RAB3C: variants seen among roughly 807,000 people sequenced by gnomAD.
RAB3C encodes the protein RAB3C, member RAS oncogene family, also known as ras-related protein Rab-3C.
A neutral mutation model predicts 26.4 loss-of-function variants in RAB3C; 17 were observed. That is an observed-to-expected ratio of 0.64 (90% CI 0.44 to 0.97). The LOEUF is 0.97. RAB3C is among the 50% of genes least tolerant of loss of function. The probability of loss-of-function intolerance (pLI) is 0.00; values close to 1 mark genes in which losing one functional copy is unlikely to be tolerated. For synonymous variants in RAB3C, 91 were observed against 95.9 expected, an observed-to-expected ratio of 0.95 and a Z score of 0.30; for missense variants, 242 against 281.9, an observed-to-expected ratio of 0.86 and a Z score of 1.01.
chr5:58,669,808 C>A (rs1233559218), intron 2 of RAB3C, among the ~76,000 whole-genome samples: 1 of 152,126 alleles, frequency 6.6e-6, no homozygotes, highest in African/African-American at 2.4e-5. Context: ...TAAATGCAGG[C>A]AAGACCAAGG....
intron 2 of RAB3C, among the ~76,000 whole-genome samples, chr5:58,676,687 T>C (rs534974227): frequency 6.6e-6 from 1 of 152,202 alleles, no homozygotes; most frequent in East Asian, 1.9e-4. Flanking sequence ...GGCAGCTTCA[T>C]TAGCATGTGA....
intron 3 of RAB3C, among the ~76,000 whole-genome samples, chr5:58,759,782 C>A (rs1741753174): frequency 6.6e-6 from 1 of 152,210 alleles, no homozygotes; most frequent in African/African-American, 2.4e-5. Context: ...AACTGAAAGC[C>A]AGGTTGACTT....
Position 58,679,261 on chromosome 5 carries a change from A to AT in RAB3C, c.253-46732dup, listed in dbSNP as rs200629057. ...TGGTCCAGGACTTGGGACTTGGCTC[A>AT]TTTTTTTTTGGTAGTTCTCAGTAGA... On this transcript the variant is annotated intron_variant, in intron 2 of 4. Transcript: ENST00000282878. 1.4e-3 allele frequency among the ~76,000 whole-genome samples: 206 copies of AT among 151,186 alleles called. 1 individual carries two copies. The highest frequency in any genetic ancestry group is 6.9e-3 in the Middle Eastern group (2 of 288).
intron 2 of RAB3C, among the ~76,000 whole-genome samples, chr5:58,687,313 G>A (rs1321819655): frequency 1.3e-5 from 2 of 152,122 alleles, no homozygotes. Flanking sequence ...TTTAAACCAA[G>A]TTTTATTTGC....
At chr5:58,641,437 A>T (rs1270333293) in intron 2 of RAB3C, among the ~76,000 whole-genome samples, 3 of 152,242 alleles carry the variant, frequency 2.0e-5, no homozygotes, top group African/African-American at 7.2e-5. Flanking sequence ...AATAATTTTA[A>T]CACCAGAAAT....
chr5:58,826,319 G>A (rs1387046461), intron 4 of RAB3C, among the ~76,000 whole-genome samples: 1 of 152,086 alleles, frequency 6.6e-6, no homozygotes, highest in Non-Finnish European at 1.5e-5. Flanking sequence ...AGGAGATGAG[G>A]CATTATGAGT....
At chr5:58,775,705 A>T (rs182806610) in intron 3 of RAB3C, among the ~76,000 whole-genome samples, 108 of 152,148 alleles carry the variant, frequency 7.1e-4, no homozygotes, top group East Asian at 3.9e-3. Context: ...ATTTTTTTTT[A>T]AAATACCTAT....
intron 3 of RAB3C, among the ~76,000 whole-genome samples, chr5:58,800,030 A>C (rs748735598): frequency 6.6e-6 from 1 of 152,256 alleles, no homozygotes; most frequent in Non-Finnish European, 1.5e-5. Context: ...TAATCATATA[A>C]CCTTACAGTA....
At chr5:58,844,533 T>A (rs1015762834) in intron 4 of RAB3C, among the ~76,000 whole-genome samples, 1 of 152,216 alleles carries the variant, frequency 6.6e-6, no homozygotes, top group African/African-American at 2.4e-5. Context: ...CGAGCTAATA[T>A]GCCAGTTTGT....
At position 58,771,947 on chromosome 5, in the gene RAB3C, A is replaced by G. The variant is rs564339009; in HGVS notation, c.371+45827A>G. Reference sequence around the variant, plus strand: ...CAATCTCATTTGTTAGCACCAAGAGATAAGAGAAGGCTTGGTAAACTCAAA... The same window carrying G: ...CAATCTCATTTGTTAGCACCAAGAGGTAAGAGAAGGCTTGGTAAACTCAAA... On this transcript the variant is annotated intron_variant, in intron 3 of 4. Coordinates refer to ENST00000282878, the MANE Select transcript of RAB3C (RefSeq NM_138453.4). 5.3e-4 allele frequency among the ~76,000 whole-genome samples: 80 copies of G among 151,504 alleles called. 1 individual carries two copies. Among genetic ancestry groups the G allele is most frequent in the South Asian group, 3.7e-3 (18 of 4,802 alleles).
At chr5:58,603,485 C>G (rs1388821016) in intron 1 of RAB3C, among the ~76,000 whole-genome samples, 1 of 152,018 alleles carries the variant, frequency 6.6e-6, no homozygotes, top group Non-Finnish European at 1.5e-5. Flanking sequence ...ATCCCAGACC[C>G]CTTGGGGGCT....
intron 3 of RAB3C, among the ~76,000 whole-genome samples, chr5:58,748,188 G>T (rs760577312): frequency 9.3e-4 from 142 of 152,162 alleles, no homozygotes; most frequent in Non-Finnish European, 1.4e-3. Context: ...AATTTCAAGG[G>T]GGGGGAAATG....
intron 1 of RAB3C, among the ~76,000 whole-genome samples, chr5:58,584,339 G>C (rs1335591883): frequency 6.6e-6 from 1 of 152,148 alleles, no homozygotes; most frequent in African/African-American, 2.4e-5. Flanking sequence ...AAAATCTATA[G>C]AATTTAATTG....
intron 2 of RAB3C, among the ~76,000 whole-genome samples, chr5:58,703,718 C>T (rs748921277): frequency 6.6e-6 from 1 of 152,128 alleles, no homozygotes; most frequent in Non-Finnish European, 1.5e-5. Flanking sequence ...CCCTGTCCTA[C>T]TGAATATGTC....
intron 3 of RAB3C, among the ~76,000 whole-genome samples, chr5:58,790,965 CTCTG>C (rs537915239): frequency 5.6e-4 from 85 of 152,130 alleles, no homozygotes; most frequent in South Asian, 1.7e-3. Context: ...TCCTTTCTCA[CTCTG>C]TCTGGTCCTG....
intron 2 of RAB3C, among the ~76,000 whole-genome samples, chr5:58,634,273 AAAGTTT>A (rs1474006583): frequency 3.3e-5 from 5 of 152,198 alleles, no homozygotes; most frequent in Non-Finnish European, 1.5e-5. Context: ...ACACCATTGA[AAAGTTT>A]AAAGAAATAT....
chr5:58,737,066 C>G (rs1481892796), intron 3 of RAB3C, among the ~76,000 whole-genome samples: 1 of 152,054 alleles, frequency 6.6e-6, no homozygotes, highest in African/African-American at 2.4e-5. Context: ...ACAATTTGCC[C>G]ACTGCTTCTC....
intron 2 of RAB3C, among the ~76,000 whole-genome samples, chr5:58,656,981 A>G (rs573078383): frequency 2.0e-5 from 3 of 152,132 alleles, no homozygotes; most frequent in Non-Finnish European, 2.9e-5. Context: ...CGTGGAACCA[A>G]CTCAAATGCC....
At chr5:58,594,097 A>G (rs1269197717) in intron 1 of RAB3C, among the ~76,000 whole-genome samples, 1 of 152,082 alleles carries the variant, frequency 6.6e-6, no homozygotes, top group African/African-American at 2.4e-5. Flanking sequence ...CACTTGTTTA[A>G]CTCTAGCTCA....
Sources: gnomAD v4.1 joint callset for allele counts (sites outside exome capture counted in the v4.1 genomes callset) on GRCh38, gnomAD v4.1.1 for gene constraint, MANE v1.5 for transcripts, NCBI Gene and HGNC (gene_info 2026-07-23, HGNC 2026-07-21) for gene names.